DAPL1: variants seen among roughly 807,000 people sequenced by gnomAD.
DAPL1 encodes the protein death-associated protein-like 1.
DAPL1 carries 17 observed loss-of-function variants against 12.9 expected under a neutral mutation model. The ratio of observed to expected loss-of-function variants is 1.32; its 90% CI spans 0.90 to 1.98. The LOEUF (loss-of-function observed/expected upper bound fraction) is 1.98. Among genes scored for constraint, DAPL1 ranks in the 30% most tolerant of loss-of-function variants. The pLI, the probability that DAPL1 is intolerant of heterozygous loss-of-function variation, is 0.00. For missense variants in DAPL1, 157 were observed against 125.7 expected, an observed-to-expected ratio of 1.25 and a Z score of -1.19; for synonymous variants, 51 against 42.0, an observed-to-expected ratio of 1.21 and a Z score of -0.82.
At chr2:158,796,975 C>T (rs1452460929) in intron 1 of DAPL1, among the ~76,000 whole-genome samples, 1 of 152,230 alleles carries the variant, frequency 6.6e-6, no homozygotes, top group Non-Finnish European at 1.5e-5. Flanking sequence ...AAAGAAGTGT[C>T]ATCCTTCAGC....
At chr2:158,804,649 A>G (rs1042603573) in intron 2 of DAPL1, among the ~76,000 whole-genome samples, 2 of 152,268 alleles carry the variant, frequency 1.3e-5, no homozygotes, top group Non-Finnish European at 2.9e-5. Flanking sequence ...TAATAGGCAC[A>G]GGCCTAAATG....
intron 2 of DAPL1, among the ~76,000 whole-genome samples, chr2:158,806,823 C>T (rs1015142634): frequency 1.4e-5 from 2 of 146,046 alleles, no homozygotes; most frequent in Admixed American, 7.0e-5. Context: ...GCAACAAGAG[C>T]GAAACTGTGT....
chr2:158,804,491 G>A, intron 2 of DAPL1, 122 bp downstream of exon 2: 1 of 671,800 alleles, frequency 1.5e-6, no homozygotes, highest in South Asian at 2.2e-5. Context: ...AAGGGGGCAG[G>A]AGGGGGAGGG....
chr2:158,811,864 G>T (rs1489191070), intron 3 of DAPL1, among the ~76,000 whole-genome samples: 1 of 152,202 alleles, frequency 6.6e-6, no homozygotes, highest in East Asian at 1.9e-4. Flanking sequence ...GCTGGCTGTA[G>T]CTTATACTCT....
intron 1 of DAPL1, among the ~76,000 whole-genome samples, chr2:158,796,563 G>A (rs570789548): frequency 6.6e-6 from 1 of 152,156 alleles, no homozygotes; most frequent in East Asian, 1.9e-4. Context: ...CTAGCTAATA[G>A]TCAGGAAGTA....
In DAPL1 at chr2:158,804,441, G is replaced by T. The variant is rs916995523; in HGVS notation, c.146+72G>T. On this transcript the variant is annotated intron_variant, in intron 2 of 3. Transcript: ENST00000309950. Reference sequence around the variant, plus strand: ...ACTCTGCCTCCAGGAGTTATTTTAGGACAAACCAAGGCTCCCTATGCCTTT... The same window carrying T: ...ACTCTGCCTCCAGGAGTTATTTTAGTACAAACCAAGGCTCCCTATGCCTTT... The T allele has an allele frequency of 5.3e-6, 6 of 1,121,904 alleles. No individual in the cohort carries two copies. The Admixed American group carries it at 1.1e-4, about 21-fold the overall frequency. The allele number at this position is 1,121,904 out of a possible 1,614,324, so 69.5% of individuals were successfully genotyped here. A position where few individuals can be genotyped will look rare whatever the true frequency, so the allele number is the denominator to read the frequency against.
In DAPL1 at chr2:158,804,342, C is replaced by G; in HGVS notation, c.119C>G (p.Thr40Ser). ...KQEIGTLERH[T>S]KKTGFEKTSA... ...GAAATTGGCACCTTGGAAAGACATA[C>G]CAAAAAAACAGGATTCGAGAAAACA... Residue 40 changes from threonine (T) to serine (S), a missense_variant, in exon 2 of 4, where the codon ACC (threonine) becomes AGC (serine). By Grantham distance (58) the Thr-to-Ser change is moderately conservative. Coordinates refer to ENST00000309950, the MANE Select transcript of DAPL1 (RefSeq NM_001017920.3). The G allele has an allele frequency of 1.9e-6, 3 of 1,610,962 alleles. No individual in the cohort carries two copies. The highest frequency in any genetic ancestry group is 1.3e-5 in the African/African-American group (1 of 74,898).
chr2:158,811,099 G>A (rs1174068803), intron 3 of DAPL1, among the ~76,000 whole-genome samples: 2 of 152,152 alleles, frequency 1.3e-5, no homozygotes, highest in East Asian at 1.9e-4. Flanking sequence ...ATGGGGTTGC[G>A]TTATGGTGTG....
chr2:158,804,510 G>A (rs997964257), intron 2 of DAPL1, 141 bp downstream of exon 2: 5 of 596,910 alleles, frequency 8.4e-6, no homozygotes, highest in African/African-American at 5.6e-5. Context: ...GGCGTGATCC[G>A]TGGTGACTTA....
At chr2:158,804,235 C>T (rs1018494400) in intron 1 of DAPL1, 47 bp from the exon 2 acceptor site, 1 of 1,305,488 alleles carries the variant, frequency 7.7e-7, no homozygotes, top group African/African-American at 1.5e-5. Flanking sequence ...CAAAGCAAGC[C>T]TTCTCTCACT....
Position 158,815,808 on chromosome 2 carries a change from C to G in DAPL1, c.311C>G (p.Pro104Arg), listed in dbSNP as rs1413276306. 1 of 1,611,262 alleles carries G rather than the reference C, an allele frequency of 6.2e-7. No individual in the cohort carries two copies. The highest frequency in any genetic ancestry group is 1.3e-5 in the African/African-American group (1 of 74,862). ...AAAAGGATCTACATTATTCAGCAGC[C>G]TCGAAAATGTTAAGCCTGGATTTAA... ...PLKRIYIIQQ[P>R]RKC is the part of the protein sequence containing the mutation. Residue 104 changes from proline (P) to arginine (R), a missense_variant, in exon 4 of 4, where the codon CCT becomes CGT. Pro to Arg is a moderately radical substitution (Grantham distance 103). Transcript: ENST00000309950.
At chr2:158,814,654 G>A (rs2059250614) in intron 3 of DAPL1, among the ~76,000 whole-genome samples, 1 of 152,210 alleles carries the variant, frequency 6.6e-6, no homozygotes, top group Non-Finnish European at 1.5e-5. Flanking sequence ...TTTGAGAAGA[G>A]ATGTAAGGCA....
intron 1 of DAPL1, among the ~76,000 whole-genome samples, chr2:158,797,211 T>C (rs936941275): frequency 6.6e-6 from 1 of 152,208 alleles, no homozygotes; most frequent in African/African-American, 2.4e-5. Flanking sequence ...TCATTTCACA[T>C]CTTCGAGCCT....
Position 158,815,691 on chromosome 2 carries a change from C to A in DAPL1, c.208-14C>A. On this transcript the variant is annotated splice_polypyrimidine_tract_variant and intron_variant, in intron 3 of 3. Coordinates refer to ENST00000309950, the MANE Select transcript of DAPL1 (RefSeq NM_001017920.3). Reference sequence around the variant, plus strand: ...ATCCAATATGCCTATTTTTTCTTCCCTTCTCACCTTTAGCTCAACTATAAA... The same window carrying A: ...ATCCAATATGCCTATTTTTTCTTCCATTCTCACCTTTAGCTCAACTATAAA... The A allele has an allele frequency of 6.4e-7, 1 of 1,558,098 alleles. No individual in the cohort carries two copies. The highest frequency in any genetic ancestry group is 8.9e-7 in the Non-Finnish European group (1 of 1,129,270).
At chr2:158,803,886 C>T (rs2059183164) in intron 1 of DAPL1, among the ~76,000 whole-genome samples, 1 of 152,152 alleles carries the variant, frequency 6.6e-6, no homozygotes, top group Non-Finnish European at 1.5e-5. Context: ...CCACGCACAA[C>T]TTTAATCTGG....
intron 3 of DAPL1, among the ~76,000 whole-genome samples, chr2:158,813,637 C>G (rs901402223): frequency 8.0e-5 from 12 of 150,198 alleles, no homozygotes; most frequent in African/African-American, 2.0e-4. Context: ...CTCACTGCAA[C>G]CTCCGCCTCC....
intron 1 of DAPL1, among the ~76,000 whole-genome samples, chr2:158,802,108 C>T (rs905301879): frequency 8.5e-5 from 13 of 152,160 alleles, no homozygotes; most frequent in African/African-American, 2.9e-4. Flanking sequence ...TTGTAGCTCG[C>T]GTTGTTAACA....
chr2:158,801,443 G>A (rs967195509), intron 1 of DAPL1, among the ~76,000 whole-genome samples: 7 of 152,086 alleles, frequency 4.6e-5, no homozygotes, highest in Non-Finnish European at 1.5e-5. Context: ...ACATTCTTTG[G>A]GAAAAAGCCC....
chr2:158,801,240 G>A (rs73966745), intron 1 of DAPL1, among the ~76,000 whole-genome samples: 1,639 of 152,228 alleles, frequency 0.011, 24 homozygotes, highest in African/African-American at 0.037. Flanking sequence ...TAGCATCAGG[G>A]AAAGCAAAAG....
Sources: allele counts gnomAD v4.1 joint callset (sites outside exome capture counted in the v4.1 genomes callset), GRCh38; gene constraint gnomAD v4.1.1; transcripts MANE v1.5; gene names NCBI Gene and HGNC (gene_info 2026-07-23, HGNC 2026-07-21).